Variants in CTNNA3 observed in about 807,000 individuals in gnomAD.
CTNNA3 encodes the protein catenin alpha 3, also known as catenin alpha-3.
CTNNA3 carries 76 observed loss-of-function variants against 95.7 expected under a neutral mutation model. The ratio of observed to expected loss-of-function variants is 0.79; its 90% CI spans 0.66 to 0.96. The LOEUF (loss-of-function observed/expected upper bound fraction) is 0.96, where lower values mean the gene tolerates loss of function less well. Ranked by LOEUF, CTNNA3 falls within the 40% of genes least tolerant of loss-of-function variation. CTNNA3 has a pLI of 0.00. For missense variants in CTNNA3, 1,191 were observed against 1,089.8 expected, an observed-to-expected ratio of 1.09 and a Z score of -1.31; for synonymous variants, 431 against 374.4, an observed-to-expected ratio of 1.15 and a Z score of -1.74.
chr10:66,916,054 C>A (rs745979988), intron 7 of CTNNA3, among the ~76,000 whole-genome samples: 2 of 151,958 alleles, frequency 1.3e-5, no homozygotes, highest in Non-Finnish European at 2.9e-5. Context: ...CAGTCCTTGA[C>A]ATATATTTTT....
At chr10:67,403,097 G>A (rs1199656394) in intron 5 of CTNNA3, among the ~76,000 whole-genome samples, 1 of 152,198 alleles carries the variant, frequency 6.6e-6, no homozygotes, top group Non-Finnish European at 1.5e-5. Context: ...CAACTCAGCT[G>A]TTCAAGTCTG....
chr10:67,727,823 T>TATATTACATATAATATAGTATATATC (rs1841248169), intron 1 of CTNNA3, among the ~76,000 whole-genome samples: 2 of 129,686 alleles, frequency 1.5e-5, no homozygotes, highest in Non-Finnish European at 3.1e-5. Context: ...TATCATATAT[T>TATATTACATATAATATAGTATATATC]ATATTACATA....
chr10:66,834,141 T>C (rs967322457), intron 7 of CTNNA3, among the ~76,000 whole-genome samples: 13 of 152,190 alleles, frequency 8.5e-5, no homozygotes, highest in Non-Finnish European at 1.6e-4. Flanking sequence ...TCCCCCACTT[T>C]TCCTGCCTTC....
intron 14 of CTNNA3, among the ~76,000 whole-genome samples, chr10:66,090,364 T>C (rs2133689968): frequency 6.6e-6 from 1 of 152,058 alleles, no homozygotes; most frequent in African/African-American, 2.4e-5. Flanking sequence ...GTGAATCCAC[T>C]CAACAAATAA....
At chr10:66,389,676 A>T (rs577355645) in intron 11 of CTNNA3, among the ~76,000 whole-genome samples, 1 of 152,146 alleles carries the variant, frequency 6.6e-6, no homozygotes, top group African/African-American at 2.4e-5. Context: ...ATGCATTTTT[A>T]AAATTATAAT....
rs2077010656 is a variant in CTNNA3 at position 65,916,578 on chromosome 10, T to C, written c.*3752A>G. The C allele has an allele frequency of 6.6e-6, 1 of 152,140 alleles. No homozygotes were observed. Among genetic ancestry groups the C allele is most frequent in the Admixed American group, 6.6e-5 (1 of 15,256 alleles). 9.4% of individuals were successfully genotyped at this position (152,140 alleles called of 1,614,324 possible). ...ATTTGATACCAAAATTTAAGAATGTTTTGGGGAATAGAAAGACTAAAGGAA... is the reference window on the plus strand; with the variant it reads ...ATTTGATACCAAAATTTAAGAATGTCTTGGGGAATAGAAAGACTAAAGGAA... On this transcript the variant is annotated 3_prime_UTR_variant, in exon 18 of 18. Transcript: ENST00000433211.
chr10:67,706,907 A>G (rs1302329209), intron 1 of CTNNA3, among the ~76,000 whole-genome samples: 1 of 152,184 alleles, frequency 6.6e-6, no homozygotes, highest in Non-Finnish European at 1.5e-5. Flanking sequence ...TTCAAACTTG[A>G]TATGTCCCAA....
chr10:67,722,875 G>T (rs1841187606), intron 1 of CTNNA3, among the ~76,000 whole-genome samples: 2 of 151,772 alleles, frequency 1.3e-5, no homozygotes, highest in African/African-American at 4.8e-5. Flanking sequence ...TGATGAAATA[G>T]ATTAAAATCC....
chr10:66,181,046 A>G (rs1479884832), intron 13 of CTNNA3, among the ~76,000 whole-genome samples: 1 of 152,182 alleles, frequency 6.6e-6, no homozygotes, highest in Non-Finnish European at 1.5e-5. Flanking sequence ...ACTGATGGTA[A>G]GAAAATTTAT....
At chr10:66,737,494 A>G (rs543844694) in intron 9 of CTNNA3, among the ~76,000 whole-genome samples, 1 of 152,290 alleles carries the variant, frequency 6.6e-6, no homozygotes, top group Non-Finnish European at 1.5e-5. Context: ...TTCATCAATG[A>G]TATATGTTTT....
intron 7 of CTNNA3, among the ~76,000 whole-genome samples, chr10:67,020,099 G>A (rs1026793976): frequency 3.3e-5 from 5 of 151,974 alleles, no homozygotes; most frequent in Admixed American, 6.6e-5. Context: ...GTCCCAAATC[G>A]CCTTACAATA....
At chr10:67,267,659 A>G (rs1866884065) in intron 5 of CTNNA3, among the ~76,000 whole-genome samples, 2 of 152,176 alleles carry the variant, frequency 1.3e-5, no homozygotes, top group African/African-American at 2.4e-5. Flanking sequence ...GGAAATCTAT[A>G]AAGATCTAAC....
chr10:66,751,274 A>T (rs1409953186), intron 9 of CTNNA3, among the ~76,000 whole-genome samples: 3 of 152,148 alleles, frequency 2.0e-5, no homozygotes, highest in South Asian at 4.1e-4. Flanking sequence ...TTGAAAAAAA[A>T]AATTTCCACT....
intron 7 of CTNNA3, among the ~76,000 whole-genome samples, chr10:67,107,225 T>C (rs1858684282): frequency 6.6e-6 from 1 of 152,228 alleles, no homozygotes; most frequent in Admixed American, 6.5e-5. Flanking sequence ...TCAATTTTTG[T>C]CCTGATTGCC....
At chr10:67,468,486 G>A (rs1056001477) in intron 5 of CTNNA3, among the ~76,000 whole-genome samples, 2 of 152,156 alleles carry the variant, frequency 1.3e-5, no homozygotes, top group Non-Finnish European at 2.9e-5. Context: ...TGTCAGTATA[G>A]AAGTCTTTAA....
At chr10:66,727,793 T>C (rs1228367786) in intron 9 of CTNNA3, among the ~76,000 whole-genome samples, 1 of 152,168 alleles carries the variant, frequency 6.6e-6, no homozygotes, top group Non-Finnish European at 1.5e-5. Context: ...ATAGCCCAGT[T>C]GTCTAGGAAC....
At chr10:66,970,204 T>C (rs1201496271) in intron 7 of CTNNA3, among the ~76,000 whole-genome samples, 1 of 152,078 alleles carries the variant, frequency 6.6e-6, no homozygotes, top group Non-Finnish European at 1.5e-5. Flanking sequence ...GCAAGGTCAG[T>C]TGTGGTAAGA....
chr10:67,526,603 T>C (rs10823057), intron 4 of CTNNA3, among the ~76,000 whole-genome samples: 19,873 of 152,126 alleles, frequency 0.13, 1,602 homozygotes, highest in East Asian at 0.31. Flanking sequence ...CACTCAGTTG[T>C]TGTGAAATCA....
rs2077006770 is a variant in CTNNA3 at position 65,916,245 on chromosome 10, T to C, written c.*4085A>G. ...AAAATTATATTCTTTTTAACTGAAA[T>C]ATTTCTGGCTTTACAAACAGAAAAA... On this transcript the variant is annotated 3_prime_UTR_variant, in exon 18 of 18. Transcript: ENST00000433211. 6.6e-6 allele frequency: 1 copy of C among 152,058 alleles called. No homozygotes were observed. Among genetic ancestry groups the C allele is most frequent in the South Asian group, 2.1e-4 (1 of 4,836 alleles). The allele number at this position is 152,058 out of a possible 1,614,324, so 9.4% of individuals were successfully genotyped here. A position where few individuals can be genotyped will look rare whatever the true frequency, so the allele number is the denominator to read the frequency against.
Sources: gnomAD v4.1 joint callset for allele counts (sites outside exome capture counted in the v4.1 genomes callset) on GRCh38, gnomAD v4.1.1 for gene constraint, MANE v1.5 for transcripts, NCBI Gene and HGNC (gene_info 2026-07-23, HGNC 2026-07-21) for gene names.